HPS5: variants seen among roughly 807,000 people sequenced by gnomAD.
HPS5 encodes the protein HPS5 biogenesis of lysosomal organelles complex 2 subunit 2.
HPS5 carries 83 observed loss-of-function variants against 128.0 expected under a neutral mutation model. The ratio of observed to expected loss-of-function variants is 0.65; its 90% CI spans 0.54 to 0.78. The LOEUF is 0.78. Among genes scored for constraint, HPS5 ranks in the 30% least tolerant of loss-of-function variants. HPS5 has a pLI of 0.00. For missense variants in HPS5, 1,281 were observed against 1,326.2 expected (o/e 0.97, Z 0.53); for synonymous variants, 475 against 470.2 (o/e 1.01, Z -0.13).
intron 10 of HPS5, 36 bp downstream of exon 10, chr11:18,298,756 T>C: frequency 6.3e-7 from 1 of 1,599,206 alleles, no homozygotes; most frequent in Non-Finnish European, 8.6e-7. Context: ...GTTTCACCAA[T>C]CCATGGTAAA....
chr11:18,297,153 C>G (rs1448261524), intron 11 of HPS5, among the ~76,000 whole-genome samples, 169 bp from the exon 12 acceptor site: 1 of 152,164 alleles, frequency 6.6e-6, no homozygotes, highest in Non-Finnish European at 1.5e-5. Flanking sequence ...AGCTGGGTCA[C>G]TCCGTGTGCT....
chr11:18,300,032 A>AGAT (rs1861511215), intron 9 of HPS5, among the ~76,000 whole-genome samples: 1 of 152,228 alleles, frequency 6.6e-6, no homozygotes, highest in Admixed American at 6.5e-5. Context: ...AATTATAGCT[A>AGAT]GATAGGAGGA....
At chr11:18,286,902 C>A (rs1288237382) in intron 18 of HPS5, 192 bp from the exon 19 acceptor site, 124 of 532,186 alleles carry the variant, frequency 2.3e-4, no homozygotes, top group South Asian at 7.3e-4. Flanking sequence ...TGTCAAAGGG[C>A]CAAAAAAGAA....
intron 18 of HPS5, chr11:18,286,921 AGGGAGAGAAAG>A (rs1174227027): frequency 7.9e-6 from 5 of 632,318 alleles, no homozygotes; most frequent in East Asian, 2.7e-5. Flanking sequence ...AAAAAAAAAA[AGGGAGAGAAAG>A]AGAGAGAGAA....
chr11:18,285,340 A>C lies in HPS5; in HGVS notation c.2951+6T>G. ...TAACTTCAGTTTCTAAAAAATTCTC[A>C]CTTACCCACAAGACCTGCAGATGTC... is the stretch of plus-strand genomic sequence containing the variant. On this transcript the variant is annotated splice_donor_region_variant and intron_variant, in intron 20 of 22. Coordinates refer to ENST00000349215, the MANE Select transcript of HPS5 (RefSeq NM_181507.2). 1.3e-6 allele frequency: 2 copies of C among 1,578,224 alleles called. No individual in the cohort carries two copies. Among genetic ancestry groups the C allele is most frequent in the Non-Finnish European group, 1.7e-6 (2 of 1,147,774 alleles).
chr11:18,305,506 CA>C lies in HPS5; in HGVS notation c.825-14del, dbSNP rs886048082. 6.4e-6 allele frequency: 10 copies of C among 1,572,706 alleles called. No homozygotes were observed. The highest frequency in any genetic ancestry group is 3.3e-4 in the Middle Eastern group (2 of 6,004). On this transcript the variant is annotated splice_polypyrimidine_tract_variant and intron_variant, in intron 7 of 22. Coordinates refer to ENST00000349215, the MANE Select transcript of HPS5 (RefSeq NM_181507.2). ...CTGAGGTTCTGATCTAGAAAGTAAA[CA>C]CATCTGTTAATGAGTTTATCTGTTA...
chr11:18,308,941 T>C lies in HPS5; in HGVS notation c.611+5A>G, dbSNP rs2134455695. ...TTTCTGATGACTAATGGTTGGTCAA[T>C]ATACCTCTCAGTGTCACACAAGAAG... On this transcript the variant is annotated splice_donor_5th_base_variant and intron_variant, in intron 6 of 22. Transcript: ENST00000349215. The C allele has an allele frequency of 6.2e-7, 1 of 1,614,020 alleles. No individual in the cohort carries two copies. Among genetic ancestry groups the C allele is most frequent in the Middle Eastern group, 1.6e-4 (1 of 6,062 alleles).
intron 6 of HPS5, among the ~76,000 whole-genome samples, chr11:18,306,954 A>G (rs942757935): frequency 2.6e-5 from 4 of 151,070 alleles, no homozygotes; most frequent in Non-Finnish European, 5.9e-5. Flanking sequence ...CTTCCTAAAA[A>G]CTCCTGTTAC....
rs1205410763 is a variant in HPS5 at position 18,291,670 on chromosome 11, C to T, written c.2212G>A (p.Ala738Thr). 1 of 1,614,162 alleles carries T rather than the reference C, an allele frequency of 6.2e-7. No individual in the cohort carries two copies. Among genetic ancestry groups the T allele is most frequent in the South Asian group, 1.1e-5 (1 of 91,074 alleles). The change falls in exon 16 of 23, where the codon GCT becomes ACT. Residue 738 changes from alanine to threonine, a missense_variant. Transcript: ENST00000349215. The stretch of plus-strand genomic sequence containing the variant: ...TCCAAACATAATGTTGTCAATTCAG[C>T]CAGGTCGTTCCGAAGACCACTTGCA... ...AIASGLRNDL[A>T]ELTTLCLELN...
chr11:18,300,111 TAGA>T (rs1178563730), intron 9 of HPS5, among the ~76,000 whole-genome samples: 1 of 152,154 alleles, frequency 6.6e-6, no homozygotes, highest in Non-Finnish European at 1.5e-5. Flanking sequence ...TTCAAAGAGC[TAGA>T]AGGACAATGA....
chr11:18,286,280 C>G (rs1859703366), intron 19 of HPS5, among the ~76,000 whole-genome samples: 1 of 152,198 alleles, frequency 6.6e-6, no homozygotes, highest in South Asian at 2.1e-4. Context: ...CACAGTGGCT[C>G]ACGCCTCTAA....
intron 21 of HPS5, 125 bp from the exon 22 acceptor site, chr11:18,282,345 C>T: frequency 9.9e-7 from 1 of 1,014,722 alleles, no homozygotes; most frequent in South Asian, 1.4e-5. Flanking sequence ...ACAATCTCAT[C>T]ACCCTAACAC....
chr11:18,290,228 A>G (rs1054195140), intron 16 of HPS5, among the ~76,000 whole-genome samples: 21 of 152,210 alleles, frequency 1.4e-4, no homozygotes, highest in African/African-American at 3.9e-4. Context: ...CTGAATTACC[A>G]CCTGGGAGAC....
chr11:18,297,874 G>A (rs536365126), intron 10 of HPS5, among the ~76,000 whole-genome samples, 157 bp from the exon 11 acceptor site: 226 of 152,334 alleles, frequency 1.5e-3, no homozygotes, highest in African/African-American at 4.9e-3. Context: ...GAGGTCAGGA[G>A]TTCAAGACAA....
chr11:18,303,145 A>G (rs1162073285), intron 8 of HPS5, among the ~76,000 whole-genome samples: 1 of 152,248 alleles, frequency 6.6e-6, no homozygotes, highest in Admixed American at 6.5e-5. Flanking sequence ...AAAGTCCCAT[A>G]GGGCACAGTG....
At chr11:18,284,953 T>G (rs1260836256) in intron 20 of HPS5, among the ~76,000 whole-genome samples, 1 of 152,126 alleles carries the variant, frequency 6.6e-6, no homozygotes, top group Non-Finnish European at 1.5e-5. Flanking sequence ...TCTCACCTCC[T>G]CCTTGAGTCC....
chr11:18,300,614 T>A (rs1484945633), intron 9 of HPS5, among the ~76,000 whole-genome samples: 2 of 150,302 alleles, frequency 1.3e-5, no homozygotes, highest in Non-Finnish European at 2.9e-5. Context: ...GGAGAATCAC[T>A]TGAACCCAGG....
chr11:18,284,034 A>G lies in HPS5; in HGVS notation c.2952-133T>C, dbSNP rs533903472. ...TTAATTAAAAGTAAATAACATCTGA[A>G]AGTCAGTTTTTCAGTTAATATATTC... On this transcript the variant is annotated intron_variant, in intron 20 of 22. Coordinates refer to ENST00000349215, the MANE Select transcript of HPS5 (RefSeq NM_181507.2). The G allele has an allele frequency of 6.0e-6, 4 of 671,228 alleles. No homozygotes were observed. In the Admixed American group the frequency reaches 9.9e-5, roughly 17 times the overall value. The allele number at this position is 671,228 out of a possible 1,614,324, so 41.6% of individuals were successfully genotyped here. A position where few individuals can be genotyped will look rare whatever the true frequency, so the allele number is the denominator to read the frequency against.
chr11:18,284,839 G>A (rs998210552), intron 20 of HPS5, among the ~76,000 whole-genome samples: 2 of 152,134 alleles, frequency 1.3e-5, no homozygotes, highest in African/African-American at 4.8e-5. Context: ...AATAAGCAAT[G>A]CCAGTTTTCC....
Sources: gnomAD v4.1 joint callset for allele counts (sites outside exome capture counted in the v4.1 genomes callset) on GRCh38, gnomAD v4.1.1 for gene constraint, MANE v1.5 for transcripts, NCBI Gene and HGNC (gene_info 2026-07-23, HGNC 2026-07-21) for gene names.